CDKAL1: variants seen among roughly 807,000 people sequenced by gnomAD.
The protein encoded by CDKAL1 is CDKAL1 threonylcarbamoyladenosine tRNA methylthiotransferase.
In CDKAL1, 32 loss-of-function variants were observed where a neutral mutation model predicts 68.2. The observed-to-expected ratio is 0.47, with a 90% CI of 0.35 to 0.63. The LOEUF (loss-of-function observed/expected upper bound fraction) is 0.63, where lower values mean the gene tolerates loss of function less well. Ranked by LOEUF, CDKAL1 falls within the 30% of genes least tolerant of loss-of-function variation. The pLI is 0.00. For synonymous variants in CDKAL1, 234 were observed against 244.3 expected, an observed-to-expected ratio of 0.96 and a Z score of 0.39; for missense variants, 606 against 696.7, an observed-to-expected ratio of 0.87 and a Z score of 1.47.
chr6:20,742,817 T>C (rs1295658735), intron 6 of CDKAL1, among the ~76,000 whole-genome samples: 1 of 152,096 alleles, frequency 6.6e-6, no homozygotes, highest in Non-Finnish European at 1.5e-5. Context: ...GATTATTATT[T>C]GTTAATATCA....
chr6:20,752,099 C>G (rs1484708149), intron 6 of CDKAL1, among the ~76,000 whole-genome samples: 1 of 151,606 alleles, frequency 6.6e-6, no homozygotes, highest in Non-Finnish European at 1.5e-5. Flanking sequence ...CTCTTCTCTC[C>G]GTTTCCTCTT....
At chr6:21,230,781 A>T in intron 15 of CDKAL1, 67 bp from the exon 16 acceptor site, 1 of 1,263,730 alleles carries the variant, frequency 7.9e-7, no homozygotes, top group Non-Finnish European at 1.1e-6. Context: ...CCATTGCTTG[A>T]TTGATATCAC....
intron 10 of CDKAL1, among the ~76,000 whole-genome samples, chr6:20,971,197 T>C (rs993378370): frequency 6.6e-6 from 1 of 152,322 alleles, no homozygotes; most frequent in South Asian, 2.1e-4. Flanking sequence ...AATCAAATAT[T>C]ATGTTGTTAT....
rs182646850 is a variant in CDKAL1, at chr6:21,166,457, G to A, written c.1300-31564G>A. Among the ~76,000 whole-genome samples, 472 of 152,288 alleles carry A rather than the reference G, an allele frequency of 3.1e-3. 9 individuals are homozygous for A. The highest frequency in any genetic ancestry group is 0.028 in the Admixed American group (428 of 15,288). On this transcript the variant is annotated intron_variant, in intron 13 of 15. Transcript: ENST00000274695. ...GCATGAAGTAGATCATACATAACAT[G>A]CCAGGCACGAAATGGCATAGACCTG...
intron 13 of CDKAL1, among the ~76,000 whole-genome samples, chr6:21,177,588 A>G (rs960987058): frequency 6.6e-6 from 1 of 152,166 alleles, no homozygotes; most frequent in Non-Finnish European, 1.5e-5. Flanking sequence ...CACTTGATTT[A>G]TAAAACAAAA....
At chr6:21,046,650 G>A (rs1770246807) in intron 11 of CDKAL1, among the ~76,000 whole-genome samples, 1 of 152,238 alleles carries the variant, frequency 6.6e-6, no homozygotes, top group Non-Finnish European at 1.5e-5. Context: ...CCAAGAGGCA[G>A]TGTCATAAAA....
At chr6:21,103,163 G>C (rs981594782) in intron 12 of CDKAL1, among the ~76,000 whole-genome samples, 4 of 152,134 alleles carry the variant, frequency 2.6e-5, no homozygotes, top group Non-Finnish European at 5.9e-5. Context: ...CAACAACTTA[G>C]AGAATGGGTA....
chr6:20,811,868 T>C (rs1349603880), intron 8 of CDKAL1, among the ~76,000 whole-genome samples: 2 of 151,700 alleles, frequency 1.3e-5, no homozygotes, highest in African/African-American at 2.4e-5. Flanking sequence ...ATAATAAATA[T>C]TTTAGGCTTG....
At chr6:20,729,387 A>G (rs1772802432) in intron 5 of CDKAL1, among the ~76,000 whole-genome samples, 1 of 152,182 alleles carries the variant, frequency 6.6e-6, no homozygotes, top group South Asian at 2.1e-4. Flanking sequence ...TTATCCAACA[A>G]AAGTAGTTAT....
intron 9 of CDKAL1, among the ~76,000 whole-genome samples, chr6:20,858,905 A>G (rs938518905): frequency 1.3e-5 from 2 of 152,200 alleles, no homozygotes; most frequent in African/African-American, 2.4e-5. Context: ...CTTGGGGACA[A>G]AGAGTATATT....
chr6:20,635,044 T>C (rs1029300063), intron 4 of CDKAL1, among the ~76,000 whole-genome samples: 1 of 151,874 alleles, frequency 6.6e-6, no homozygotes, highest in African/African-American at 2.4e-5. Context: ...GTTTCACCAT[T>C]TGGGGAGATG....
In CDKAL1 at chr6:21,107,819, A is replaced by G. The variant is rs1460689466; in HGVS notation, c.1237-582A>G. Among the ~76,000 whole-genome samples the G allele has an allele frequency of 2.0e-5, 3 of 152,336 alleles. No individual in the cohort carries two copies. The East Asian group carries it at 5.8e-4, about 29-fold the overall frequency. On this transcript the variant is annotated intron_variant, in intron 12 of 15. Coordinates refer to ENST00000274695, the MANE Select transcript of CDKAL1 (RefSeq NM_017774.3). ...AGTTATATGCCTGTATAACTCATAC[A>G]TTCATTTATTCATTAACTTAGCCAG...
intron 5 of CDKAL1, among the ~76,000 whole-genome samples, chr6:20,732,077 G>A (rs944988545): frequency 6.6e-6 from 1 of 151,124 alleles, no homozygotes; most frequent in South Asian, 2.1e-4. Flanking sequence ...ATGGAGTCTT[G>A]CTCTGCTCCC....
chr6:21,199,807 A>G (rs1778617482), intron 14 of CDKAL1, among the ~76,000 whole-genome samples: 1 of 152,202 alleles, frequency 6.6e-6, no homozygotes, highest in African/African-American at 2.4e-5. Context: ...TCCTAACACT[A>G]AAGCTCTTTT....
At chr6:21,075,927 A>G (rs529221583) in intron 12 of CDKAL1, among the ~76,000 whole-genome samples, 41 of 152,350 alleles carry the variant, frequency 2.7e-4, no homozygotes, top group African/African-American at 9.6e-4. Flanking sequence ...TTAGATGGCA[A>G]GAGTGGCTGT....
chr6:20,646,048 A>ATTTTTTTT lies in CDKAL1; in HGVS notation c.287-3228_287-3221dup, dbSNP rs1171622769. ...CTTTCTGAGGCTATTTCACGGTTAA[A>ATTTTTTTT]TTTTTTTTTTTTTTTTTTTTTTTTG... On this transcript the variant is annotated intron_variant, in intron 4 of 15. Coordinates refer to ENST00000274695, the MANE Select transcript of CDKAL1 (RefSeq NM_017774.3). Among the ~76,000 whole-genome samples, 27 of 87,364 alleles carry ATTTTTTTT rather than the reference A, an allele frequency of 3.1e-4. 1 individual carries two copies. Among genetic ancestry groups the ATTTTTTTT allele is most frequent in the Non-Finnish European group, 3.9e-4 (19 of 49,072 alleles). 57.3% of individuals were successfully genotyped at this position (87,364 alleles called of 152,430 possible).
At chr6:20,645,097 G>A (rs116689492) in intron 4 of CDKAL1, among the ~76,000 whole-genome samples, 1 of 152,068 alleles carries the variant, frequency 6.6e-6, no homozygotes, top group Non-Finnish European at 1.5e-5. Context: ...TTAAAATGGT[G>A]CACCTGTCTA....
rs1163804292 is a variant in CDKAL1 at position 20,677,010 on chromosome 6, T to C, written c.371+27633T>C. Among the ~76,000 whole-genome samples the C allele has an allele frequency of 2.0e-5, 3 of 152,206 alleles. No individual in the cohort carries two copies. The East Asian group carries it at 5.8e-4, about 29-fold the overall frequency. ...AGAAGTCTGCAAAAGTGACCTCTTA[T>C]GACTTTAAAATAATTTCTTCTGTTT... On this transcript the variant is annotated intron_variant, in intron 5 of 15. Transcript: ENST00000274695.
intron 4 of CDKAL1, among the ~76,000 whole-genome samples, chr6:20,563,813 T>C (rs1479152640): frequency 6.6e-6 from 1 of 152,220 alleles, no homozygotes; most frequent in East Asian, 1.9e-4. Flanking sequence ...ATACAAAAAA[T>C]ACTAAAAGCA....
Sources: gnomAD v4.1 joint callset for allele counts (sites outside exome capture counted in the v4.1 genomes callset) on GRCh38, gnomAD v4.1.1 for gene constraint, MANE v1.5 for transcripts, NCBI Gene and HGNC (gene_info 2026-07-23, HGNC 2026-07-21) for gene names.